The following PPFIA2 variants were observed in gnomAD, a reference collection of about 807,000 sequenced individuals.
The protein encoded by PPFIA2 is liprin-alpha-2.
PPFIA2 carries 46 observed loss-of-function variants against 175.5 expected under a neutral mutation model. The ratio of observed to expected loss-of-function variants is 0.26; its 90% CI spans 0.21 to 0.34. PPFIA2 has a LOEUF of 0.34. PPFIA2 is among the 10% of genes least tolerant of loss of function. PPFIA2 has a pLI of 1.00. For synonymous variants in PPFIA2, 568 were observed against 511.4 expected (o/e 1.11, Z -1.49); for missense variants, 1,179 against 1,506.1 (o/e 0.78, Z 3.60).
intron 3 of PPFIA2, among the ~76,000 whole-genome samples, chr12:81,701,753 T>TA (rs2076501907): frequency 6.6e-6 from 1 of 151,950 alleles, no homozygotes; most frequent in Admixed American, 6.6e-5. Flanking sequence ...CAGTATGTTG[T>TA]AAAAAATAGT....
chr12:81,508,690 T>G (rs1309990204), intron 4 of PPFIA2, among the ~76,000 whole-genome samples: 2 of 151,874 alleles, frequency 1.3e-5, no homozygotes, highest in South Asian at 2.1e-4. Flanking sequence ...TGTATACATG[T>G]GCCTTGCTGG....
intron 21 of PPFIA2, among the ~76,000 whole-genome samples, chr12:81,328,680 TTGTG>T (rs1247981764): frequency 6.6e-6 from 1 of 152,142 alleles, no homozygotes; most frequent in Non-Finnish European, 1.5e-5. Flanking sequence ...ATGTAAATGT[TTGTG>T]TATGTTGAGG....
intron 4 of PPFIA2, among the ~76,000 whole-genome samples, chr12:81,601,356 G>A (rs1461371378): frequency 6.6e-6 from 1 of 151,872 alleles, no homozygotes; most frequent in South Asian, 2.1e-4. Context: ...GTAGCAATAG[G>A]AAAGGTGTTG....
At chr12:81,738,779 T>C (rs1336204716) in intron 3 of PPFIA2, among the ~76,000 whole-genome samples, 1 of 151,800 alleles carries the variant, frequency 6.6e-6, no homozygotes, top group African/African-American at 2.4e-5. Context: ...CCAAATAATT[T>C]AAAGAGAAAG....
chr12:81,341,002 A>G, intron 20 of PPFIA2, 76 bp downstream of exon 20: 1 of 1,421,172 alleles, frequency 7.0e-7, no homozygotes, highest in Non-Finnish European at 9.6e-7. Flanking sequence ...TAAGCAGTCT[A>G]TTCGACAACA....
At chr12:81,492,829 T>C (rs1441048793) in intron 4 of PPFIA2, among the ~76,000 whole-genome samples, 1 of 152,000 alleles carries the variant, frequency 6.6e-6, no homozygotes, top group Admixed American at 6.6e-5. Context: ...AGGAACAGAC[T>C]TAGGTGAGGC....
At chr12:81,585,173 C>A (rs1478753081) in intron 4 of PPFIA2, among the ~76,000 whole-genome samples, 1 of 147,764 alleles carries the variant, frequency 6.8e-6, no homozygotes, top group Non-Finnish European at 1.5e-5. Context: ...ATGGAGCTTG[C>A]AGGACTGCAA....
At chr12:81,310,543 TAA>T (rs1163139571) in intron 22 of PPFIA2, among the ~76,000 whole-genome samples, 1 of 152,150 alleles carries the variant, frequency 6.6e-6, no homozygotes, top group African/African-American at 2.4e-5. Flanking sequence ...TCAGGGGAAT[TAA>T]GTTTTATTTC....
chr12:81,298,801 T>C lies in PPFIA2; in HGVS notation c.2724+500A>G, dbSNP rs188054340. On this transcript the variant is annotated intron_variant, in intron 23 of 32. Coordinates refer to ENST00000549396, the MANE Select transcript of PPFIA2 (RefSeq NM_003625.5). Reference sequence around the variant, plus strand: ...AGTTTGGACACAGAAGGGAATAAGGTGTAAGTCTTCTGTTTAATCCCAAGT... The same window carrying C: ...AGTTTGGACACAGAAGGGAATAAGGCGTAAGTCTTCTGTTTAATCCCAAGT... Among the ~76,000 whole-genome samples, 7 of 152,276 alleles carry C rather than the reference T, an allele frequency of 4.6e-5. No individual in the cohort carries two copies. The South Asian group carries it at 8.3e-4, about 18-fold the overall frequency.
intron 24 of PPFIA2, 132 bp downstream of exon 24, chr12:81,294,703 G>A (rs1022554198): frequency 2.4e-6 from 2 of 842,960 alleles, no homozygotes; most frequent in Admixed American, 4.6e-5. Context: ...GGTTAATAAA[G>A]AGCAAGCTTA....
intron 4 of PPFIA2, among the ~76,000 whole-genome samples, chr12:81,659,292 G>A (rs572760833): frequency 2.6e-5 from 4 of 152,258 alleles, no homozygotes; most frequent in South Asian, 4.1e-4. Flanking sequence ...AGCGCAAGGG[G>A]TCAAGGAATT....
intron 4 of PPFIA2, chr12:81,597,857 C>A (rs979195527): frequency 1.6e-6 from 2 of 1,275,596 alleles, no homozygotes; most frequent in African/African-American, 3.0e-5. Context: ...ATACTTCCAA[C>A]CTTTTTAAGT....
chr12:81,366,860 G>A (rs2033621380), intron 14 of PPFIA2, among the ~76,000 whole-genome samples: 1 of 151,700 alleles, frequency 6.6e-6, no homozygotes, highest in Non-Finnish European at 1.5e-5. Flanking sequence ...TAATGGAAGA[G>A]TATGAGTATA....
chr12:81,602,598 C>T (rs954521828), intron 4 of PPFIA2, among the ~76,000 whole-genome samples: 2 of 151,766 alleles, frequency 1.3e-5, no homozygotes, highest in Non-Finnish European at 2.9e-5. Context: ...AACCAGAAAA[C>T]ATCTGGCTTT....
intron 28 of PPFIA2, among the ~76,000 whole-genome samples, chr12:81,275,704 A>T (rs1354743149): frequency 6.6e-6 from 1 of 152,114 alleles, no homozygotes; most frequent in Non-Finnish European, 1.5e-5. Flanking sequence ...AGGAAATGTA[A>T]ATACAACTAA....
chr12:81,511,255 G>A (rs536049418), intron 4 of PPFIA2, among the ~76,000 whole-genome samples: 5 of 152,100 alleles, frequency 3.3e-5, no homozygotes, highest in African/African-American at 7.2e-5. Flanking sequence ...TTGAAAATGC[G>A]TATACAAAGG....
Position 81,676,851 on chromosome 12 carries a change from A to T in PPFIA2, c.250-7T>A, listed in dbSNP as rs777905791. 2.4e-5 allele frequency: 38 copies of T among 1,574,890 alleles called. 1 individual carries two copies. In the South Asian group the frequency reaches 4.4e-4, roughly 18 times the overall value. On this transcript the variant is annotated splice_region_variant and splice_polypyrimidine_tract_variant and intron_variant, in intron 3 of 32. Transcript: ENST00000549396. ...CTGTTAGGGATTCGATATCCTGAAA[A>T]GGGGAGAGGTGTTGATTGTAAAGTG...
chr12:81,653,679 T>TCACA, intron 4 of PPFIA2, among the ~76,000 whole-genome samples: 1 of 152,178 alleles, frequency 6.6e-6, no homozygotes, highest in South Asian at 2.1e-4. Flanking sequence ...CCAAATAAGG[T>TCACA]CACATTCTGA....
chr12:81,599,213 T>G (rs2059552967), intron 4 of PPFIA2, among the ~76,000 whole-genome samples: 1 of 151,964 alleles, frequency 6.6e-6, no homozygotes, highest in African/African-American at 2.4e-5. Context: ...AAAAGTGGTG[T>G]CTTTGTGAAT....
Sources: gnomAD v4.1 joint callset for allele counts (sites outside exome capture counted in the v4.1 genomes callset) on GRCh38, gnomAD v4.1.1 for gene constraint, MANE v1.5 for transcripts, NCBI Gene and HGNC (gene_info 2026-07-23, HGNC 2026-07-21) for gene names.